MSL2: variants seen among roughly 807,000 people sequenced by gnomAD.
The protein encoded by MSL2 is MSL complex subunit 2, also known as E3 ubiquitin-protein ligase MSL2.
In MSL2, 2 loss-of-function variants were observed where a neutral mutation model predicts 35.8. The ratio of observed to expected loss-of-function variants is 0.06; its 90% CI spans 0.02 to 0.18. The LOEUF is 0.18. Among genes scored for constraint, MSL2 ranks in the 10% least tolerant of loss-of-function variants. The probability of loss-of-function intolerance (pLI) is 1.00; values close to 1 mark genes in which losing one functional copy is unlikely to be tolerated. For missense variants in MSL2, 523 were observed against 706.7 expected, an observed-to-expected ratio of 0.74 and a Z score of 2.95; for synonymous variants, 296 against 255.7, an observed-to-expected ratio of 1.16 and a Z score of -1.50.
rs987299875 is a variant in MSL2, at chr3:136,158,168, C to T, written c.143-5430G>A. On this transcript the variant is annotated intron_variant, in intron 1 of 1. Transcript: ENST00000309993. ...CTCTACTAAAAATGCAAAAATTAGC[C>T]GGGCGTGGTGGCGCATGCCTGTAAT... is the stretch of plus-strand genomic sequence containing the variant. Among the ~76,000 whole-genome samples, 5 of 151,884 alleles carry T rather than the reference C, an allele frequency of 3.3e-5. No individual in the cohort carries two copies. In the South Asian group the frequency reaches 8.3e-4, roughly 25 times the overall value.
intron 1 of MSL2, among the ~76,000 whole-genome samples, chr3:136,181,775 C>T (rs1280262662): frequency 2.6e-5 from 4 of 151,970 alleles, no homozygotes; most frequent in East Asian, 1.9e-4. Flanking sequence ...AAAAACTAGC[C>T]GGGCGTGGTG....
intron 1 of MSL2, among the ~76,000 whole-genome samples, chr3:136,169,689 G>A (rs1428665834): frequency 6.6e-6 from 1 of 151,942 alleles, no homozygotes; most frequent in Non-Finnish European, 1.5e-5. Context: ...CTGACCTCAG[G>A]TGATCCACCT....
chr3:136,175,619 C>A (rs150071654), intron 1 of MSL2, among the ~76,000 whole-genome samples: 2 of 152,068 alleles, frequency 1.3e-5, no homozygotes, highest in South Asian at 2.1e-4. Flanking sequence ...TCCAGGAGTT[C>A]GAGGCTGCAA....
chr3:136,172,758 CTTCAG>C (rs1230918648), intron 1 of MSL2, among the ~76,000 whole-genome samples: 3 of 151,970 alleles, frequency 2.0e-5, no homozygotes, highest in African/African-American at 7.3e-5. Flanking sequence ...ATGTGTACGT[CTTCAG>C]TTCAAGAGCT....
intron 1 of MSL2, among the ~76,000 whole-genome samples, chr3:136,180,179 CCT>C (rs1179214384): frequency 6.6e-6 from 1 of 152,088 alleles, no homozygotes; most frequent in Non-Finnish European, 1.5e-5. Context: ...GCCTATGTAC[CCT>C]GATATTTGGA....
At chr3:136,154,529 A>G (rs1939461608) in intron 1 of MSL2, among the ~76,000 whole-genome samples, 1 of 152,168 alleles carries the variant, frequency 6.6e-6, no homozygotes, top group South Asian at 2.1e-4. Flanking sequence ...TAAATCACAC[A>G]AAGAATATGT....
At chr3:136,182,833 A>C (rs1014794514) in intron 1 of MSL2, among the ~76,000 whole-genome samples, 5 of 152,214 alleles carry the variant, frequency 3.3e-5, no homozygotes, top group South Asian at 2.1e-4. Context: ...CCCCAGAAAG[A>C]AGCAGTGGAA....
intron 1 of MSL2, among the ~76,000 whole-genome samples, chr3:136,193,841 T>A: frequency 6.6e-6 from 1 of 152,136 alleles, no homozygotes; most frequent in Non-Finnish European, 1.5e-5. Flanking sequence ...TACTTAAATG[T>A]TTATGACCTT....
At chr3:136,194,696 A>AC in intron 1 of MSL2, 1 of 406,928 alleles carries the variant, frequency 2.5e-6, no homozygotes. Flanking sequence ...CATGCATCTT[A>AC]CCCCCACTTA....
chr3:136,160,275 CAAAAA>C (rs775528119), intron 1 of MSL2, among the ~76,000 whole-genome samples: 14 of 18,756 alleles, frequency 7.5e-4, no homozygotes, highest in Admixed American at 9.1e-4. Flanking sequence ...GACTCTGTCT[CAAAAA>C]AAAAAAAAAA....
intron 1 of MSL2, among the ~76,000 whole-genome samples, chr3:136,168,925 TCATA>T (rs1939930989): frequency 6.6e-6 from 1 of 151,770 alleles, no homozygotes; most frequent in Non-Finnish European, 1.5e-5. Flanking sequence ...ATAGCTACAA[TCATA>T]TATACAGAAG....
rs767250632 is a variant in MSL2 at position 136,151,324 on chromosome 3, G to C, written c.1557C>G (p.Ala519=). Reference sequence around the variant, plus strand: ...CCAAAGTGAGCCTGGTCTGCTCCAAGGCCTTTTCTGGCACGGCAAATGCCT... The same window carrying C: ...CCAAAGTGAGCCTGGTCTGCTCCAACGCCTTTTCTGGCACGGCAAATGCCT... ...KLEAFAVPEK[A]LEQTRLTLGI... Residue 519 remains alanine, a synonymous_variant, in exon 2 of 2, where the codon GCC becomes GCG. Transcript: ENST00000309993. The surrounding 1 kb of genome is among the most constrained non-coding windows in gnomAD (Gnocchi z 5.2). 7.4e-6 allele frequency: 12 copies of C among 1,614,206 alleles called. No homozygotes were observed. In the Admixed American group the frequency reaches 1.2e-4, roughly 16 times the overall value.
chr3:136,192,496 G>A (rs774777757), intron 1 of MSL2, among the ~76,000 whole-genome samples: 8 of 152,004 alleles, frequency 5.3e-5, no homozygotes, highest in Non-Finnish European at 7.4e-5. Context: ...AGTGAGCAAG[G>A]AAGACTTCAC....
chr3:136,171,206 C>G (rs1189633153), intron 1 of MSL2, among the ~76,000 whole-genome samples: 1 of 152,136 alleles, frequency 6.6e-6, no homozygotes, highest in African/African-American at 2.4e-5. Flanking sequence ...GTCACTGTTA[C>G]AAGTCAGATT....
rs551384208 is a variant in MSL2 at position 136,172,470 on chromosome 3, T to A, written c.143-19732A>T. Reference sequence around the variant, plus strand: ...CAACTCCCCATCCAGTTATTCCCTATGCAGAAGCTTCTCACCAGAATGTGT... The same window carrying A: ...CAACTCCCCATCCAGTTATTCCCTAAGCAGAAGCTTCTCACCAGAATGTGT... On this transcript the variant is annotated intron_variant, in intron 1 of 1. Coordinates refer to ENST00000309993, the MANE Select transcript of MSL2 (RefSeq NM_018133.4). Among the ~76,000 whole-genome samples, 7 of 152,246 alleles carry A rather than the reference T, an allele frequency of 4.6e-5. No homozygotes were observed. In the South Asian group the frequency reaches 1.2e-3, roughly 27 times the overall value.
intron 1 of MSL2, among the ~76,000 whole-genome samples, chr3:136,163,667 C>T (rs1004517846): frequency 1.3e-5 from 2 of 152,174 alleles, no homozygotes; most frequent in Non-Finnish European, 2.9e-5. Flanking sequence ...GGCTTTGTGT[C>T]CCCATCCAAA....
chr3:136,182,022 A>G lies in MSL2; in HGVS notation c.142+12950T>C, dbSNP rs1247518427. Among the ~76,000 whole-genome samples, 3 of 152,118 alleles carry G rather than the reference A, an allele frequency of 2.0e-5. No homozygotes were observed. In the East Asian group the frequency reaches 5.8e-4, roughly 29 times the overall value. On this transcript the variant is annotated intron_variant, in intron 1 of 1. Coordinates refer to ENST00000309993, the MANE Select transcript of MSL2 (RefSeq NM_018133.4). Reference sequence around the variant, plus strand: ...AATTTAAAATTTTTTTAAAAAATCAAAACTTAAACAAGATGAAAACACTGA... The same window carrying G: ...AATTTAAAATTTTTTTAAAAAATCAGAACTTAAACAAGATGAAAACACTGA...
At position 136,152,617 on chromosome 3, in the gene MSL2, C is replaced by A; in HGVS notation, c.264G>T (p.Glu88Asp). The A allele has an allele frequency of 6.2e-7, 1 of 1,614,150 alleles. No individual in the cohort carries two copies. Among genetic ancestry groups the A allele is most frequent in the Non-Finnish European group, 8.5e-7 (1 of 1,180,042 alleles). Residue 88 changes from glutamate (E) to aspartate (D), a missense_variant, in exon 2 of 2, where the codon GAG becomes GAT. Around this residue, in one of 5 missense-constraint regions of MSL2, gnomAD observed 41 missense variants for 83.3 expected, o/e 0.49. Transcript: ENST00000309993. The part of the protein sequence containing the change: ...KPSCSWCKDY[E>D]QFEENKQLSI... ...TTAACTGCTTGTTTTCCTCAAACTG[C>A]TCATAGTCTTTGCACCAGCTACAGG...
chr3:136,162,096 G>A (rs1303523287), intron 1 of MSL2, among the ~76,000 whole-genome samples: 1 of 151,440 alleles, frequency 6.6e-6, no homozygotes, highest in Non-Finnish European at 1.5e-5. Context: ...CCGCCACCAC[G>A]CCTGGTTAAT....
Sources: gnomAD v4.1 joint callset for allele counts (sites outside exome capture counted in the v4.1 genomes callset) on GRCh38, gnomAD v4.1.1 for gene constraint, gnomAD v4.1.1 regional missense constraint, Gnocchi (gnomAD v3.1) non-coding constraint, MANE v1.5 for transcripts, NCBI Gene and HGNC (gene_info 2026-07-23, HGNC 2026-07-21) for gene names.